AGFG1: variants seen among roughly 807,000 people sequenced by gnomAD.
AGFG1 encodes the protein ArfGAP with FG repeats 1.
AGFG1 carries 10 observed loss-of-function variants against 60.6 expected under a neutral mutation model. That is an observed-to-expected ratio of 0.16 (90% CI 0.10 to 0.28). The LOEUF (loss-of-function observed/expected upper bound fraction) is 0.28. Among genes scored for constraint, AGFG1 ranks in the 10% least tolerant of loss-of-function variants. The pLI is 1.00. For synonymous variants in AGFG1, 247 were observed against 242.9 expected (o/e 1.02, Z -0.16); for missense variants, 537 against 676.5 (o/e 0.79, Z 2.29).
rs113142812 is a variant in AGFG1, at chr2:227,555,148, C to T, written c.*653C>T. 1,281 of 152,672 alleles carry T rather than the reference C, an allele frequency of 8.4e-3. 12 individuals carry two copies. Among genetic ancestry groups the T allele is most frequent in the Non-Finnish European group, 0.014 (963 of 67,986 alleles). 9.5% of individuals were successfully genotyped at this position (152,672 alleles called of 1,614,324 possible). A position where few individuals can be genotyped will look rare whatever the true frequency, so the allele number is the denominator to read the frequency against. ...TGCTATTGTTTTTGTGTTCTTGCTGCAATGCCTTTACCAAAGTGGCCTTAA... is the reference window on the plus strand; with the variant it reads ...TGCTATTGTTTTTGTGTTCTTGCTGTAATGCCTTTACCAAAGTGGCCTTAA... On this transcript the variant is annotated 3_prime_UTR_variant, in exon 13 of 13. Transcript: ENST00000310078.
intron 8 of AGFG1, 89 bp from the exon 9 acceptor site, chr2:227,536,536 T>C (rs1692318676): frequency 1.9e-6 from 2 of 1,026,530 alleles, no homozygotes; most frequent in Non-Finnish European, 3.0e-6. Flanking sequence ...TGATACACGA[T>C]ATGTTCATTA....
rs1693037278 is a variant in AGFG1 at position 227,558,355 on chromosome 2, C to T, written c.*3860C>T. On this transcript the variant is annotated 3_prime_UTR_variant, in exon 13 of 13. Transcript: ENST00000310078. ...TAAAAAAACTTTAATCACTTGAATTCCTTTCATAATTTGATGAAATCAGTA... is the reference window on the plus strand; with the variant it reads ...TAAAAAAACTTTAATCACTTGAATTTCTTTCATAATTTGATGAAATCAGTA... The T allele has an allele frequency of 6.6e-6, 1 of 151,474 alleles. No homozygotes were observed. The highest frequency in any genetic ancestry group is 2.4e-5 in the African/African-American group (1 of 41,276). The allele number at this position is 151,474 out of a possible 1,614,324, so 9.4% of individuals were successfully genotyped here. A position where few individuals can be genotyped will look rare whatever the true frequency, so the allele number is the denominator to read the frequency against.
intron 2 of AGFG1, among the ~76,000 whole-genome samples, chr2:227,506,667 T>G (rs1691323728): frequency 6.6e-6 from 1 of 151,658 alleles, no homozygotes; most frequent in Non-Finnish European, 1.5e-5. Flanking sequence ...TTGTCCAGAG[T>G]TTATAGTTGT....
intron 2 of AGFG1, chr2:227,508,507 T>C (rs1322180603): frequency 2.6e-6 from 1 of 379,310 alleles, no homozygotes; most frequent in Non-Finnish European, 5.4e-6. Context: ...ATGTAAAAAA[T>C]GTAAAGCTTT....
At chr2:227,551,598 A>G (rs893618740) in intron 10 of AGFG1, among the ~76,000 whole-genome samples, 2 of 152,214 alleles carry the variant, frequency 1.3e-5, no homozygotes, top group Non-Finnish European at 2.9e-5. Flanking sequence ...ATATAACAAA[A>G]CAAAACTAAA....
At chr2:227,532,126 C>T (rs1410772060) in intron 6 of AGFG1, 2 of 1,530,950 alleles carry the variant, frequency 1.3e-6, no homozygotes, top group African/African-American at 2.8e-5. Context: ...TACATAATTT[C>T]TGGCTGTCCA....
At chr2:227,546,238 A>G (rs1692643351) in intron 10 of AGFG1, among the ~76,000 whole-genome samples, 2 of 152,214 alleles carry the variant, frequency 1.3e-5, no homozygotes, top group African/African-American at 4.8e-5. Context: ...AGTTCAATCA[A>G]GACTGCTGTG....
At chr2:227,495,382 C>T (rs1690943254) in intron 2 of AGFG1, among the ~76,000 whole-genome samples, 1 of 151,450 alleles carries the variant, frequency 6.6e-6, no homozygotes, top group South Asian at 2.1e-4. Context: ...TCCCATCTCT[C>T]CAAAAATTTA....
intron 7 of AGFG1, 80 bp from the exon 8 acceptor site, chr2:227,534,765 G>A (rs1223104467): frequency 6.8e-6 from 10 of 1,471,346 alleles, no homozygotes; most frequent in East Asian, 4.5e-5. Flanking sequence ...AAGTTTACCT[G>A]TGTTTCATGG....
chr2:227,555,350 T>G lies in AGFG1; in HGVS notation c.*855T>G, dbSNP rs527624680. On this transcript the variant is annotated 3_prime_UTR_variant, in exon 13 of 13. Coordinates refer to ENST00000310078, the MANE Select transcript of AGFG1 (RefSeq NM_004504.5). ...ATTTACCATAATCCTACTAATTTCT[T>G]TGCAGCTTATTAATTTTGTGAAATT... 6 of 152,734 alleles carry G rather than the reference T, an allele frequency of 3.9e-5. No individual in the cohort carries two copies. In the South Asian group the frequency reaches 1.2e-3, roughly 32 times the overall value. The allele number at this position is 152,734 out of a possible 1,614,324, so 9.5% of individuals were successfully genotyped here.
Position 227,531,266 on chromosome 2 carries a change from A to G in AGFG1, c.814+56A>G, listed in dbSNP as rs556927400. 52 of 1,568,398 alleles carry G rather than the reference A, an allele frequency of 3.3e-5. 1 individual carries two copies. The South Asian group carries it at 5.4e-4, about 16-fold the overall frequency. ...TTTACTTTACAAAACAAAACTCTCT[A>G]AATGTAGTTTTGAAAAATTAGTCTA... On this transcript the variant is annotated intron_variant, in intron 6 of 12. Coordinates refer to ENST00000310078, the MANE Select transcript of AGFG1 (RefSeq NM_004504.5).
At chr2:227,547,436 T>C (rs1283378949) in intron 10 of AGFG1, among the ~76,000 whole-genome samples, 1 of 152,218 alleles carries the variant, frequency 6.6e-6, no homozygotes, top group Non-Finnish European at 1.5e-5. Context: ...ATGAAAATTG[T>C]TGCCAATGTG....
In AGFG1 at chr2:227,536,619, T is replaced by C. The variant is rs1296268446; in HGVS notation, c.1206-6T>C. 3 of 1,612,092 alleles carry C rather than the reference T, an allele frequency of 1.9e-6. No homozygotes were observed. Among genetic ancestry groups the C allele is most frequent in the Non-Finnish European group, 1.7e-6 (2 of 1,178,894 alleles). On this transcript the variant is annotated splice_polypyrimidine_tract_variant and splice_region_variant and intron_variant, in intron 8 of 12. Coordinates refer to ENST00000310078, the MANE Select transcript of AGFG1 (RefSeq NM_004504.5). ...AAAAATGAACTCTTTCAATATTTGT[T>C]CTCAGCAATGTTTTTGGAACAGTGC...
intron 8 of AGFG1, among the ~76,000 whole-genome samples, chr2:227,535,816 C>T (rs1575106709): frequency 6.6e-6 from 1 of 152,080 alleles, no homozygotes; most frequent in African/African-American, 2.4e-5. Context: ...ATATATAATA[C>T]ATGATTTATT....
Position 227,489,973 on chromosome 2 carries a change from G to A in AGFG1, c.168-1574G>A, listed in dbSNP as rs186402476. 4.9e-4 allele frequency among the ~76,000 whole-genome samples: 75 copies of A among 151,940 alleles called. 1 individual carries two copies. Among genetic ancestry groups the A allele is most frequent in the Middle Eastern group, 6.8e-3 (2 of 294 alleles). On this transcript the variant is annotated intron_variant, in intron 1 of 12. Transcript: ENST00000310078. ...TGAGATTACAGGTGCATGCCACCAC[G>A]CCCAGCTTATTTTTGTATTTTTAGT...
At chr2:227,544,878 G>T (rs1263547128) in intron 10 of AGFG1, among the ~76,000 whole-genome samples, 1 of 152,022 alleles carries the variant, frequency 6.6e-6, no homozygotes, top group African/African-American at 2.4e-5. Flanking sequence ...TTTCTCTCTG[G>T]CTGCCCTTAA....
At chr2:227,477,333 T>TA (rs1250791794) in intron 1 of AGFG1, among the ~76,000 whole-genome samples, 1 of 152,038 alleles carries the variant, frequency 6.6e-6, no homozygotes, top group East Asian at 1.9e-4. Context: ...AACTATTGAG[T>TA]GCTAGCTGTG....
At chr2:227,484,691 T>G (rs1442762110) in intron 1 of AGFG1, among the ~76,000 whole-genome samples, 83 of 1,672 alleles carry the variant, frequency 0.05, 2 homozygotes, top group Non-Finnish European at 0.036. Flanking sequence ...TTTTTTTGTT[T>G]TTTTTTTTTT....
At chr2:227,522,316 T>A (rs1381844577) in intron 3 of AGFG1, among the ~76,000 whole-genome samples, 1 of 152,236 alleles carries the variant, frequency 6.6e-6, no homozygotes, top group African/African-American at 2.4e-5. Flanking sequence ...ATAACTATCA[T>A]TTGATTTTAT....
Sources: allele counts gnomAD v4.1 joint callset (sites outside exome capture counted in the v4.1 genomes callset), GRCh38; gene constraint gnomAD v4.1.1; transcripts MANE v1.5; gene names NCBI Gene and HGNC (gene_info 2026-07-23, HGNC 2026-07-21).